IQCE: variants seen among roughly 807,000 people sequenced by gnomAD.
IQCE encodes the protein IQ domain-containing protein E.
IQCE carries 115 observed loss-of-function variants against 96.0 expected under a neutral mutation model. The observed-to-expected ratio is 1.20, with a 90% CI of 1.03 to 1.40. The LOEUF is 1.40. Among genes scored for constraint, IQCE ranks in the 40% most tolerant of loss-of-function variants. The pLI is 0.00. For synonymous variants in IQCE, 412 were observed against 371.2 expected (o/e 1.11, Z -1.26); for missense variants, 1,041 against 909.1 (o/e 1.15, Z -1.87).
intron 15 of IQCE, among the ~76,000 whole-genome samples, chr7:2,594,307 C>T (rs1783848329): frequency 6.6e-6 from 1 of 152,226 alleles, no homozygotes; most frequent in Non-Finnish European, 1.5e-5. Flanking sequence ...AGAAATCTGA[C>T]TGAATTCTGT....
At chr7:2,576,056 G>A (rs1277814069) in intron 6 of IQCE, among the ~76,000 whole-genome samples, 1 of 152,192 alleles carries the variant, frequency 6.6e-6, no homozygotes, top group African/African-American at 2.4e-5. Flanking sequence ...CTGAGTACCG[G>A]CTTGCTATCA....
chr7:2,606,820 C>T (rs1351889311), intron 20 of IQCE, among the ~76,000 whole-genome samples: 2 of 152,156 alleles, frequency 1.3e-5, no homozygotes, highest in Non-Finnish European at 2.9e-5. Flanking sequence ...GGCAGCTGGG[C>T]TGACCCAGAC....
chr7:2,610,036 T>A lies in IQCE; in HGVS notation c.1970-8T>A, dbSNP rs936057603. The A allele has an allele frequency of 6.6e-7, 1 of 1,508,740 alleles. No homozygotes were observed. The highest frequency in any genetic ancestry group is 1.4e-5 in the African/African-American group (1 of 73,054). 93.5% of individuals were successfully genotyped at this position (1,508,740 alleles called of 1,614,324 possible). A position where few individuals can be genotyped will look rare whatever the true frequency, so the allele number is the denominator to read the frequency against. Reference sequence around the variant, plus strand: ...GCTGACCCCTCTCCCTGTGGTTCATTTCTGCAGACCCCTCTCCCTCAGGGC... The same window carrying A: ...GCTGACCCCTCTCCCTGTGGTTCATATCTGCAGACCCCTCTCCCTCAGGGC... On this transcript the variant is annotated splice_region_variant and splice_polypyrimidine_tract_variant and intron_variant, in intron 21 of 21. Transcript: ENST00000402050.
chr7:2,586,742 G>T (rs1218375638), intron 12 of IQCE, among the ~76,000 whole-genome samples: 2 of 152,230 alleles, frequency 1.3e-5, no homozygotes, highest in Non-Finnish European at 2.9e-5. Context: ...GCACCCCCAA[G>T]ACGGTGACAG....
chr7:2,606,759 C>A (rs545160978), intron 20 of IQCE, among the ~76,000 whole-genome samples: 101 of 152,318 alleles, frequency 6.6e-4, no homozygotes, highest in African/African-American at 2.1e-3. Flanking sequence ...GCGGCGAGCC[C>A]CAGCCAGGAG....
At chr7:2,569,104 G>A (rs772793233) in intron 3 of IQCE, 105 bp downstream of exon 3, 33 of 1,101,106 alleles carry the variant, frequency 3.0e-5, no homozygotes, top group Admixed American at 1.4e-4. Flanking sequence ...GAGACCTGAC[G>A]CCTCAGCCAG....
At chr7:2,564,020 C>T (rs1781178408) in intron 1 of IQCE, among the ~76,000 whole-genome samples, 1 of 151,024 alleles carries the variant, frequency 6.6e-6, no homozygotes, top group Admixed American at 6.6e-5. Flanking sequence ...CCAGCCTGGC[C>T]AACATAGTGA....
intron 2 of IQCE, among the ~76,000 whole-genome samples, chr7:2,567,493 G>A (rs1253487196): frequency 7.2e-5 from 11 of 152,308 alleles, no homozygotes; most frequent in East Asian, 5.8e-4. Context: ...TGCTAATGCC[G>A]TCGGAAGGAC....
At position 2,611,942 on chromosome 7, in the gene IQCE, G is replaced by A. The variant is rs946823583; in HGVS notation, c.*1780G>A. On this transcript the variant is annotated 3_prime_UTR_variant, in exon 22 of 22. Transcript: ENST00000402050. ...CCCCACCCGCCCGGGTCCACTCCCT[G>A]GGGCGCTGTCCCAAGCCATCCCTGC... is the stretch of plus-strand genomic sequence containing the variant. 1 of 152,044 alleles carries A rather than the reference G, an allele frequency of 6.6e-6. No homozygotes were observed. Among genetic ancestry groups the A allele is most frequent in the Admixed American group, 6.6e-5 (1 of 15,260 alleles). The allele number at this position is 152,044 out of a possible 1,614,324, so 9.4% of individuals were successfully genotyped here.
In IQCE at chr7:2,598,572, T is replaced by G. The variant is rs1784224074; in HGVS notation, c.1548T>G (p.Asp516Glu). ...GLPRPRSPCS[D>E]GRRDAAARVL... is the part of the protein sequence containing the mutation. ...CGCGGCCCCGCTCCCCCTGCTCTGATGGGAGAAGAGACGCCGCGGCCAGAG... is the reference window on the plus strand; with the variant it reads ...CGCGGCCCCGCTCCCCCTGCTCTGAGGGGAGAAGAGACGCCGCGGCCAGAG... The change falls in exon 17 of 22, where the codon GAT (aspartate) becomes GAG (glutamate). Residue 516 changes from aspartate to glutamate, a missense_variant. Asp to Glu is a conservative substitution (Grantham distance 45). Transcript: ENST00000402050. The G allele has an allele frequency of 6.2e-7, 1 of 1,608,946 alleles. No individual in the cohort carries two copies. The highest frequency in any genetic ancestry group is 1.3e-5 in the African/African-American group (1 of 74,738).
intron 17 of IQCE, among the ~76,000 whole-genome samples, chr7:2,599,873 A>T (rs1365195938): frequency 6.6e-6 from 1 of 151,044 alleles, no homozygotes; most frequent in Non-Finnish European, 1.5e-5. Context: ...AGCTCACTGC[A>T]ACCTCCGCCT....
intron 8 of IQCE, among the ~76,000 whole-genome samples, chr7:2,581,018 T>C (rs1782624248): frequency 6.6e-6 from 1 of 151,980 alleles, no homozygotes; most frequent in African/African-American, 2.4e-5. Flanking sequence ...TAATTTTTTG[T>C]ATTTTTAGTA....
chr7:2,605,794 C>T, intron 19 of IQCE, 82 bp from the exon 20 acceptor site: 1 of 1,364,916 alleles, frequency 7.3e-7, no homozygotes. Context: ...TCCCTGACGC[C>T]CAGGGTGCCC....
intron 14 of IQCE, among the ~76,000 whole-genome samples, chr7:2,590,543 T>C (rs1276260368): frequency 6.6e-6 from 1 of 152,062 alleles, no homozygotes; most frequent in Non-Finnish European, 1.5e-5. Flanking sequence ...AGTGGGAGGA[T>C]TGCTTGAGGC....
intron 9 of IQCE, among the ~76,000 whole-genome samples, chr7:2,582,987 C>T (rs189147453): frequency 2.0e-5 from 3 of 152,106 alleles, no homozygotes; most frequent in East Asian, 1.9e-4. Context: ...ACCTGACTTT[C>T]GAGTGCGAAG....
chr7:2,577,796 G>T (rs1352062312), intron 6 of IQCE, among the ~76,000 whole-genome samples: 2 of 131,780 alleles, frequency 1.5e-5, no homozygotes, highest in African/African-American at 2.9e-5. Flanking sequence ...ATACGCATTG[G>T]CGTGTGCGTG....
rs182376043 is a variant in IQCE at position 2,591,057 on chromosome 7, A to G, written c.1244+951A>G. ...TGCCTGAGTCCAGGAGTTCGAGACC[A>G]ACCTGGACAGCATGGTGAAACCTCG... is the stretch of plus-strand genomic sequence containing the variant. On this transcript the variant is annotated intron_variant, in intron 14 of 21. Transcript: ENST00000402050. 5.4e-4 allele frequency among the ~76,000 whole-genome samples: 82 copies of G among 152,288 alleles called. 1 individual carries two copies. The highest frequency in any genetic ancestry group is 1.9e-3 in the African/African-American group (80 of 41,564).
chr7:2,588,104 G>A (rs1181766238), intron 13 of IQCE, among the ~76,000 whole-genome samples: 3 of 152,220 alleles, frequency 2.0e-5, no homozygotes, highest in Non-Finnish European at 2.9e-5. Flanking sequence ...AGGCAGACGC[G>A]CTTCGCACTG....
intron 16 of IQCE, chr7:2,598,215 CAG>C: frequency 2.6e-6 from 1 of 377,370 alleles, no homozygotes; most frequent in Non-Finnish European, 4.7e-6. Context: ...CACTGCCAGA[CAG>C]AGTTAAGGGA....
Sources: gnomAD v4.1 joint callset for allele counts (sites outside exome capture counted in the v4.1 genomes callset) on GRCh38, gnomAD v4.1.1 for gene constraint, MANE v1.5 for transcripts, NCBI Gene and HGNC (gene_info 2026-07-23, HGNC 2026-07-21) for gene names.